EYS: variants seen among roughly 807,000 people sequenced by gnomAD.
EYS encodes the protein protein eyes shut homolog.
EYS carries 250 observed loss-of-function variants against 282.1 expected under a neutral mutation model. The observed-to-expected ratio is 0.89, with a 90% confidence interval of 0.80 to 0.98. The LOEUF (loss-of-function observed/expected upper bound fraction) is 0.98. Ranked by LOEUF, EYS falls within the 50% of genes least tolerant of loss-of-function variation. EYS has a pLI of 0.00. For synonymous variants in EYS, 1,355 were observed against 1,282.9 expected, an observed-to-expected ratio of 1.06 and a Z score of -1.20; for missense variants, 4,016 against 3,709.0, an observed-to-expected ratio of 1.08 and a Z score of -2.15.
chr6:65,194,680 G>A (rs1274406762), intron 12 of EYS, among the ~76,000 whole-genome samples: 1 of 151,912 alleles, frequency 6.6e-6, no homozygotes, highest in African/African-American at 2.4e-5. Flanking sequence ...AGTGTGAGGA[G>A]GGAGAATTCC....
chr6:65,110,662 A>G (rs1775189990), intron 12 of EYS, among the ~76,000 whole-genome samples: 1 of 152,088 alleles, frequency 6.6e-6, no homozygotes, highest in Non-Finnish European at 1.5e-5. Context: ...TCATCATATT[A>G]AAGTACATAT....
At chr6:64,577,255 A>T (rs976350092) in intron 26 of EYS, among the ~76,000 whole-genome samples, 1 of 152,128 alleles carries the variant, frequency 6.6e-6, no homozygotes, top group Non-Finnish European at 1.5e-5. Context: ...TAGAAGACTA[A>T]TATGTTACAT....
At chr6:65,312,666 A>G (rs1401002769) in intron 11 of EYS, among the ~76,000 whole-genome samples, 1 of 152,142 alleles carries the variant, frequency 6.6e-6, no homozygotes, top group Non-Finnish European at 1.5e-5. Context: ...AACAAGTTGC[A>G]CTTACTTATC....
At chr6:63,856,326 A>G (rs1198536378) in intron 36 of EYS, among the ~76,000 whole-genome samples, 1 of 152,206 alleles carries the variant, frequency 6.6e-6, no homozygotes, top group African/African-American at 2.4e-5. Context: ...TTCTGTGAAT[A>G]TATAGTCTCT....
chr6:64,469,315 G>A (rs760761551), intron 26 of EYS, among the ~76,000 whole-genome samples: 28 of 152,108 alleles, frequency 1.8e-4, no homozygotes, highest in Non-Finnish European at 3.2e-4. Context: ...GCAGGAGACC[G>A]AGGGCACCAG....
chr6:63,950,419 C>A (rs1038766485), intron 35 of EYS, among the ~76,000 whole-genome samples: 3 of 151,640 alleles, frequency 2.0e-5, no homozygotes, highest in Admixed American at 6.6e-5. Context: ...CAGAGAACAA[C>A]CCCCTTTGAC....
intron 35 of EYS, among the ~76,000 whole-genome samples, chr6:63,944,048 G>T (rs1765318593): frequency 1.3e-5 from 2 of 152,154 alleles, no homozygotes; most frequent in Admixed American, 1.3e-4. Context: ...GCAGAATAAA[G>T]ACAGAGAGAT....
intron 2 of EYS, among the ~76,000 whole-genome samples, chr6:65,518,479 A>G (rs1016869433): frequency 6.6e-6 from 1 of 152,176 alleles, no homozygotes; most frequent in Non-Finnish European, 1.5e-5. Context: ...AAAGAAGGAA[A>G]TAGACATTTT....
At chr6:65,025,062 T>C (rs1306285134) in intron 13 of EYS, among the ~76,000 whole-genome samples, 1 of 152,230 alleles carries the variant, frequency 6.6e-6, no homozygotes, top group Non-Finnish European at 1.5e-5. Flanking sequence ...GAAATGCTAA[T>C]TCACATTTAA....
At chr6:65,363,656 G>A (rs891736934) in intron 8 of EYS, among the ~76,000 whole-genome samples, 1 of 151,550 alleles carries the variant, frequency 6.6e-6, no homozygotes, top group African/African-American at 2.4e-5. Flanking sequence ...TTTGATAATT[G>A]ACGATTTAAC....
chr6:65,232,195 T>A (rs1021415927), intron 12 of EYS, among the ~76,000 whole-genome samples: 4 of 152,032 alleles, frequency 2.6e-5, no homozygotes, highest in African/African-American at 9.7e-5. Flanking sequence ...GTCTCTGTAT[T>A]TGTGCACCAT....
chr6:65,599,806 G>A (rs755297069), intron 2 of EYS, among the ~76,000 whole-genome samples: 1 of 151,928 alleles, frequency 6.6e-6, no homozygotes, highest in Admixed American at 6.6e-5. Flanking sequence ...AGGGGTTGGG[G>A]GGATAAATGG....
At position 63,789,130 on chromosome 6, in the gene EYS, G is replaced by T. The variant is rs77113519; in HGVS notation, c.7506C>A (p.Ser2502Arg). The T allele has an allele frequency of 1.3e-6, 2 of 1,551,614 alleles. No individual in the cohort carries two copies. The highest frequency in any genetic ancestry group is 1.7e-6 in the Non-Finnish European group (2 of 1,146,922). The change falls in exon 38 of 43, where the codon AGC becomes AGA. Residue 2502 changes from serine (S) to arginine (R), a missense_variant. Ser to Arg is a moderately radical substitution (Grantham distance 110). Coordinates refer to ENST00000503581, the MANE Select transcript of EYS (RefSeq NM_001142800.2). ...NLGSGIASIR[S>R]EPLNLSLGVH... Reference sequence around the variant, plus strand: ...CTCCAAGGCTCAGATTGAGGGGCTCGCTCCTGATGCTTGCTATGCCAGACC... The same window carrying T: ...CTCCAAGGCTCAGATTGAGGGGCTCTCTCCTGATGCTTGCTATGCCAGACC...
At chr6:64,965,319 G>A (rs188069751) in intron 14 of EYS, among the ~76,000 whole-genome samples, 187 of 151,950 alleles carry the variant, frequency 1.2e-3, no homozygotes, top group Non-Finnish European at 2.1e-3. Context: ...TCATAGTATT[G>A]ACCATAAATG....
intron 31 of EYS, among the ~76,000 whole-genome samples, chr6:64,186,248 TACACACACACACAC>T (rs34727951): frequency 4.8e-5 from 7 of 147,072 alleles, no homozygotes; most frequent in Admixed American, 1.4e-4. Flanking sequence ...ATGTGTGTTT[TACACACACACACAC>T]ACACACACAC....
chr6:64,577,515 G>A (rs1031897734), intron 26 of EYS, among the ~76,000 whole-genome samples: 8 of 150,766 alleles, frequency 5.3e-5, no homozygotes, highest in Non-Finnish European at 8.9e-5. Context: ...CACACACACA[G>A]ACATATGCAT....
At chr6:64,740,903 CG>C (rs903070300) in intron 22 of EYS, among the ~76,000 whole-genome samples, 5 of 151,986 alleles carry the variant, frequency 3.3e-5, no homozygotes, top group Admixed American at 1.3e-4. Flanking sequence ...TTAGTAGACA[CG>C]GGGTTTCACC....
At chr6:64,556,422 G>C (rs1180952247) in intron 26 of EYS, among the ~76,000 whole-genome samples, 2 of 151,902 alleles carry the variant, frequency 1.3e-5, no homozygotes, top group Non-Finnish European at 2.9e-5. Flanking sequence ...TATTTGAGGA[G>C]AGAAAAGCCT....
intron 36 of EYS, among the ~76,000 whole-genome samples, chr6:63,810,065 C>T (rs1172683222): frequency 6.7e-6 from 1 of 149,364 alleles, no homozygotes; most frequent in Admixed American, 6.7e-5. Flanking sequence ...CACCGTGAAA[C>T]CCCGCCTCTA....
Sources: gnomAD v4.1 joint callset for allele counts (sites outside exome capture counted in the v4.1 genomes callset) on GRCh38, gnomAD v4.1.1 for gene constraint, MANE v1.5 for transcripts, NCBI Gene and HGNC (gene_info 2026-07-23, HGNC 2026-07-21) for gene names.